ADGRL3: variants seen among roughly 807,000 people sequenced by gnomAD.
The protein encoded by ADGRL3 is calcium-independent alpha-latrotoxin receptor 3.
A neutral mutation model predicts 153.5 loss-of-function variants in ADGRL3; 62 were observed. That is an observed-to-expected ratio of 0.40 (90% CI 0.33 to 0.50). The LOEUF (loss-of-function observed/expected upper bound fraction) is 0.50, where lower values mean the gene tolerates loss of function less well. Ranked by LOEUF, ADGRL3 falls within the 20% of genes least tolerant of loss-of-function variation. The pLI is 0.47. For synonymous variants in ADGRL3, 710 were observed against 672.5 expected (o/e 1.06, Z -0.86); for missense variants, 1,641 against 1,859.4 (o/e 0.88, Z 2.16).
intron 5 of ADGRL3, among the ~76,000 whole-genome samples, chr4:61,669,161 ACTT>A (rs1400276018): frequency 2.0e-5 from 3 of 152,146 alleles, no homozygotes; most frequent in Admixed American, 6.6e-5. Context: ...ATATGGGAGA[ACTT>A]CTTTTATTTT....
Position 61,480,830 on chromosome 4 carries a change from A to T in ADGRL3, c.-173-16291A>T, listed in dbSNP as rs912573412. Among the ~76,000 whole-genome samples, 161 of 152,230 alleles carry T rather than the reference A, an allele frequency of 1.1e-3. 1 individual carries two copies. Among genetic ancestry groups the T allele is most frequent in the African/African-American group, 3.8e-3 (158 of 41,556 alleles). On this transcript the variant is annotated intron_variant, in intron 2 of 26. Coordinates refer to ENST00000683033, the MANE Select transcript of ADGRL3 (RefSeq NM_001387552.1). ...AAAATAAATAAAAGATAAAATGAGCAAAGGACCTAAGTAGATATTTTTTCT... is the reference window on the plus strand; with the variant it reads ...AAAATAAATAAAAGATAAAATGAGCTAAGGACCTAAGTAGATATTTTTTCT...
chr4:61,236,778 T>C (rs1283489291), intron 1 of ADGRL3, among the ~76,000 whole-genome samples: 2 of 152,162 alleles, frequency 1.3e-5, no homozygotes, highest in African/African-American at 4.8e-5. Flanking sequence ...GAAGTTGTTA[T>C]TCATTTCTTA....
chr4:61,553,807 A>T (rs1365416282), intron 4 of ADGRL3, among the ~76,000 whole-genome samples: 1 of 152,144 alleles, frequency 6.6e-6, no homozygotes, highest in African/African-American at 2.4e-5. Context: ...TAAACTTCTG[A>T]ACTAACTCCT....
intron 1 of ADGRL3, among the ~76,000 whole-genome samples, chr4:61,298,514 G>T (rs897846129): frequency 6.6e-6 from 1 of 152,090 alleles, no homozygotes; most frequent in African/African-American, 2.4e-5. Context: ...AGCTACTTTT[G>T]TTATTCACAA....
intron 1 of ADGRL3, among the ~76,000 whole-genome samples, chr4:61,234,753 T>G (rs756016444): frequency 1.2e-4 from 19 of 152,102 alleles, no homozygotes; most frequent in Non-Finnish European, 2.1e-4. Flanking sequence ...AAGGGTGGTG[T>G]TACCTGAAAG....
chr4:61,890,428 T>C (rs1228734034), intron 9 of ADGRL3, among the ~76,000 whole-genome samples: 1 of 151,712 alleles, frequency 6.6e-6, no homozygotes, highest in African/African-American at 2.4e-5. Flanking sequence ...TTCTAGAGGC[T>C]GAGAAGTTCA....
chr4:61,715,738 C>A (rs958632297), intron 6 of ADGRL3, among the ~76,000 whole-genome samples: 1 of 151,846 alleles, frequency 6.6e-6, no homozygotes, highest in Non-Finnish European at 1.5e-5. Context: ...TATTTTCTTT[C>A]CACTCTATTG....
chr4:61,760,323 G>C (rs2152175941), intron 8 of ADGRL3, among the ~76,000 whole-genome samples: 1 of 152,260 alleles, frequency 6.6e-6, no homozygotes, highest in Non-Finnish European at 1.5e-5. Flanking sequence ...GAGCTTCCCA[G>C]CAGCTTTGTT....
chr4:61,638,764 AATGTTGCTCAT>A (rs1580001228), intron 5 of ADGRL3, among the ~76,000 whole-genome samples: 1 of 152,320 alleles, frequency 6.6e-6, no homozygotes, highest in East Asian at 1.9e-4. Flanking sequence ...GTAGAGGCAT[AATGTTGCTCAT>A]ATGTTTATCC....
chr4:61,421,918 T>C (rs2097212074), intron 2 of ADGRL3, among the ~76,000 whole-genome samples: 1 of 152,144 alleles, frequency 6.6e-6, no homozygotes, highest in Non-Finnish European at 1.5e-5. Flanking sequence ...CTGCACCGCT[T>C]TTTGGTCTAA....
intron 4 of ADGRL3, among the ~76,000 whole-genome samples, chr4:61,558,886 C>A (rs188272544): frequency 7.4e-4 from 113 of 152,094 alleles, no homozygotes; most frequent in Non-Finnish European, 9.9e-4. Flanking sequence ...ATATAAAAAT[C>A]TCTTTTAAGG....
intron 4 of ADGRL3, among the ~76,000 whole-genome samples, chr4:61,544,271 T>A (rs972808640): frequency 1.3e-5 from 2 of 152,228 alleles, no homozygotes; most frequent in African/African-American, 4.8e-5. Flanking sequence ...TTTATATACC[T>A]GAGAGACATT....
At chr4:61,363,120 T>C (rs1465836062) in intron 1 of ADGRL3, among the ~76,000 whole-genome samples, 4 of 152,184 alleles carry the variant, frequency 2.6e-5, no homozygotes, top group Non-Finnish European at 5.9e-5. Context: ...TTACATTGAA[T>C]AGACTGTGAT....
chr4:61,802,170 G>A (rs2097505728), intron 8 of ADGRL3, among the ~76,000 whole-genome samples: 1 of 152,078 alleles, frequency 6.6e-6, no homozygotes, highest in African/African-American at 2.4e-5. Context: ...CTTTTGAATG[G>A]CCAAAGAAGA....
chr4:61,711,643 A>G (rs1250594102), intron 6 of ADGRL3, among the ~76,000 whole-genome samples: 2 of 151,380 alleles, frequency 1.3e-5, no homozygotes, highest in African/African-American at 2.4e-5. Flanking sequence ...GGGCTGCCAC[A>G]TGATTGGATA....
At chr4:61,498,762 T>C (rs1044978671) in intron 3 of ADGRL3, among the ~76,000 whole-genome samples, 4 of 152,152 alleles carry the variant, frequency 2.6e-5, no homozygotes, top group Admixed American at 2.0e-4. Context: ...TCACATTATT[T>C]AATATATAAG....
chr4:61,388,393 C>G (rs548796668), intron 2 of ADGRL3, among the ~76,000 whole-genome samples: 1 of 152,276 alleles, frequency 6.6e-6, no homozygotes, highest in South Asian at 2.1e-4. Context: ...AGGAAATGAC[C>G]TCTTTCAGTG....
At chr4:61,204,571 G>T (rs1442539523) in intron 1 of ADGRL3, among the ~76,000 whole-genome samples, 2 of 152,146 alleles carry the variant, frequency 1.3e-5, no homozygotes, top group Non-Finnish European at 2.9e-5. Context: ...TCAGTGTATT[G>T]TGCTGTCTTT....
intron 1 of ADGRL3, among the ~76,000 whole-genome samples, chr4:61,334,049 T>A (rs1195037802): frequency 6.6e-6 from 1 of 151,852 alleles, no homozygotes; most frequent in Non-Finnish European, 1.5e-5. Flanking sequence ...TCCAAATAGC[T>A]GGAATTACAG....
Sources: allele counts gnomAD v4.1 joint callset (sites outside exome capture counted in the v4.1 genomes callset), GRCh38; gene constraint gnomAD v4.1.1; transcripts MANE v1.5; gene names NCBI Gene and HGNC (gene_info 2026-07-23, HGNC 2026-07-21).